The following TLCD4 variants were observed in gnomAD, a reference collection of about 807,000 sequenced individuals.
TLCD4 encodes TLC domain-containing protein 4.
TLCD4 carries 7 observed loss-of-function variants against 24.2 expected under a neutral mutation model. The observed-to-expected ratio is 0.29, with a 90% CI of 0.16 to 0.54. TLCD4 has a LOEUF of 0.54. Ranked by LOEUF, TLCD4 falls within the 20% of genes least tolerant of loss-of-function variation. The pLI, the probability that TLCD4 is intolerant of heterozygous loss-of-function variation, is 0.95. For missense variants in TLCD4, 259 were observed against 313.9 expected (o/e 0.82, Z 1.32); for synonymous variants, 103 against 106.4 (o/e 0.97, Z 0.20).
At chr1:95,099,613 AATTG>A in the TLCD4 span, among the ~76,000 whole-genome samples, 1 of 152,200 alleles carries the variant, frequency 6.6e-6, no homozygotes, top group Non-Finnish European at 1.5e-5. Context: ...TACTTTGATT[AATTG>A]ATTGCATATA....
At chr1:95,179,112 G>A (rs899917793) in intron 6 of TLCD4, among the ~76,000 whole-genome samples, 1 of 152,116 alleles carries the variant, frequency 6.6e-6, no homozygotes, top group African/African-American at 2.4e-5. Flanking sequence ...GTACTGTTTG[G>A]TAGGGTAACC....
intron 5 of TLCD4, among the ~76,000 whole-genome samples, chr1:95,157,297 C>A (rs1404752055): frequency 6.6e-6 from 1 of 152,034 alleles, no homozygotes; most frequent in East Asian, 1.9e-4. Context: ...AACAGCATTT[C>A]TCATATAAAT....
At chr1:95,181,993 G>C (rs937169324) in intron 6 of TLCD4, among the ~76,000 whole-genome samples, 3 of 152,120 alleles carry the variant, frequency 2.0e-5, no homozygotes, top group African/African-American at 7.2e-5. Flanking sequence ...GGCTCACTGA[G>C]TTATGTAGGT....
At chr1:95,141,792 TACACACACACACACACAC>T (rs3075917) in intron 1 of TLCD4, among the ~76,000 whole-genome samples, 4 of 138,596 alleles carry the variant, frequency 2.9e-5, no homozygotes, top group Admixed American at 1.5e-4. Context: ...TTTTACCAAG[TACACACACACACACACAC>T]ACACACACAC....
upstream of TLCD4, among the ~76,000 whole-genome samples, chr1:95,113,315 G>T (rs973075791): frequency 6.6e-6 from 1 of 152,116 alleles, no homozygotes; most frequent in Non-Finnish European, 1.5e-5. Context: ...CAAAGTGCTG[G>T]GATTACAGGC....
chr1:95,101,424 T>C, the TLCD4 span, among the ~76,000 whole-genome samples: 1 of 150,490 alleles, frequency 6.6e-6, no homozygotes, highest in Non-Finnish European at 1.5e-5. Context: ...TGTGTGTGTG[T>C]GTGTGTGTGT....
chr1:95,102,198 G>A, the TLCD4 span, among the ~76,000 whole-genome samples: 61 of 152,308 alleles, frequency 4.0e-4, no homozygotes, highest in South Asian at 1.2e-3. Context: ...GATATTTATT[G>A]AGGGTCTATT....
At chr1:95,190,218 C>G (rs574668242) in intron 6 of TLCD4, among the ~76,000 whole-genome samples, 20 of 152,136 alleles carry the variant, frequency 1.3e-4, no homozygotes, top group South Asian at 4.1e-4. Flanking sequence ...ATTCTCCTGC[C>G]TCAGCCTCCC....
intron 6 of TLCD4, among the ~76,000 whole-genome samples, chr1:95,184,656 A>G (rs905529764): frequency 1.3e-5 from 2 of 152,194 alleles, no homozygotes; most frequent in African/African-American, 2.4e-5. Flanking sequence ...TAGTAATAAC[A>G]GTAAATGGTG....
At chr1:95,156,161 G>A (rs1557686973) in intron 5 of TLCD4, among the ~76,000 whole-genome samples, 1 of 148,860 alleles carries the variant, frequency 6.7e-6, no homozygotes. Flanking sequence ...TTACATAAAT[G>A]TTCATATGTA....
At chr1:95,141,641 AT>A (rs1677199812) in intron 1 of TLCD4, among the ~76,000 whole-genome samples, 1 of 152,164 alleles carries the variant, frequency 6.6e-6, no homozygotes, top group Non-Finnish European at 1.5e-5. Context: ...ACTTTTATGT[AT>A]TGTTTGGTTA....
intron 1 of TLCD4, among the ~76,000 whole-genome samples, chr1:95,126,910 G>A (rs1278660051): frequency 1.3e-5 from 2 of 152,218 alleles, no homozygotes; most frequent in Admixed American, 1.3e-4. Flanking sequence ...CAGAGACATA[G>A]ACTCCACCTC....
chr1:95,129,132 G>A (rs1388526036), intron 1 of TLCD4, among the ~76,000 whole-genome samples: 2 of 152,116 alleles, frequency 1.3e-5, no homozygotes, highest in Non-Finnish European at 2.9e-5. Context: ...AGAAATGTGT[G>A]AAAAGTTAAG....
chr1:95,099,152 G>A, the TLCD4 span, among the ~76,000 whole-genome samples: 1 of 151,518 alleles, frequency 6.6e-6, no homozygotes, highest in East Asian at 1.9e-4. Flanking sequence ...ATTTGGTCAG[G>A]CACGGTGGCT....
At chr1:95,187,557 C>T (rs1678870079) in intron 6 of TLCD4, among the ~76,000 whole-genome samples, 1 of 152,116 alleles carries the variant, frequency 6.6e-6, no homozygotes, top group East Asian at 1.9e-4. Context: ...CACCGAGGGA[C>T]AGTATCATTC....
chr1:95,171,284 T>A (rs147842240), intron 5 of TLCD4, among the ~76,000 whole-genome samples: 201 of 151,972 alleles, frequency 1.3e-3, no homozygotes, highest in Admixed American at 5.6e-3. Flanking sequence ...AAGATGAGAG[T>A]GGCCTGTTCA....
At chr1:95,182,782 G>A (rs1241770294) in intron 6 of TLCD4, among the ~76,000 whole-genome samples, 4 of 152,020 alleles carry the variant, frequency 2.6e-5, no homozygotes, top group Non-Finnish European at 4.4e-5. Context: ...TACTTGTCAC[G>A]TAAGGCTTCA....
rs1166367036 is a variant in TLCD4 at position 95,192,588 on chromosome 1, T to C, written c.*720T>C. 2 of 152,238 alleles carry C rather than the reference T, an allele frequency of 1.3e-5. No homozygotes were observed. Among genetic ancestry groups the C allele is most frequent in the East Asian group, 1.9e-4 (1 of 5,196 alleles). The allele number at this position is 152,238 out of a possible 1,614,324, so 9.4% of individuals were successfully genotyped here. ...TAAATAGCTCTTAACATTTGTTGTA[T>C]GCACTCTTTTCTTACTATGGCTGTC... On this transcript the variant is annotated 3_prime_UTR_variant, in exon 7 of 7. Coordinates refer to ENST00000370203, the MANE Select transcript of TLCD4 (RefSeq NM_152487.3).
At chr1:95,146,340 C>T (rs372525453) in intron 2 of TLCD4, among the ~76,000 whole-genome samples, 1 of 152,030 alleles carries the variant, frequency 6.6e-6, no homozygotes, top group Non-Finnish European at 1.5e-5. Context: ...ACTTTCTTAC[C>T]TATCACATTG....
Sources: allele counts gnomAD v4.1 joint callset (sites outside exome capture counted in the v4.1 genomes callset), GRCh38; gene constraint gnomAD v4.1.1; transcripts MANE v1.5; gene names NCBI Gene and HGNC (gene_info 2026-07-23, HGNC 2026-07-21).